Variants in SLIT3 observed in about 807,000 individuals in gnomAD.
SLIT3 encodes slit guidance ligand 3.
In SLIT3, 68 loss-of-function variants were observed where a neutral mutation model predicts 184.0. The observed-to-expected ratio is 0.37, with a 90% CI of 0.30 to 0.45. The LOEUF (loss-of-function observed/expected upper bound fraction) is 0.45, where lower values mean the gene tolerates loss of function less well. Among genes scored for constraint, SLIT3 ranks in the 20% least tolerant of loss-of-function variants. SLIT3 has a pLI of 1.00. For synonymous variants in SLIT3, 831 were observed against 828.6 expected (o/e 1.00, Z -0.05); for missense variants, 1,707 against 2,026.0 (o/e 0.84, Z 3.02).
chr5:169,218,122 G>A (rs1257611895), intron 3 of SLIT3, among the ~76,000 whole-genome samples: 1 of 152,146 alleles, frequency 6.6e-6, no homozygotes, highest in Non-Finnish European at 1.5e-5. Flanking sequence ...TATTTTCATA[G>A]GCCATGCTCC....
At chr5:169,211,703 A>G (rs1053064834) in intron 3 of SLIT3, among the ~76,000 whole-genome samples, 1 of 152,124 alleles carries the variant, frequency 6.6e-6, no homozygotes, top group African/African-American at 2.4e-5. Context: ...GTTTTGTTAC[A>G]TAGGTATACA....
rs78815217 is a variant in SLIT3 at position 168,795,369 on chromosome 5, C to G, written c.1007+138G>C. Reference sequence around the variant, plus strand: ...CACATCTTACCTCCCAAGCTTAGGACAGCGTTCCAGGTCTGAAACAGAACT... The same window carrying G: ...CACATCTTACCTCCCAAGCTTAGGAGAGCGTTCCAGGTCTGAAACAGAACT... On this transcript the variant is annotated intron_variant, in intron 10 of 35. Coordinates refer to ENST00000519560, the MANE Select transcript of SLIT3 (RefSeq NM_003062.4). 2,735 of 695,776 alleles carry G rather than the reference C, an allele frequency of 3.9e-3. 42 individuals carry two copies. The highest frequency in any genetic ancestry group is 0.039 in the East Asian group (1,523 of 38,970). 43.1% of individuals were successfully genotyped at this position (695,776 alleles called of 1,614,324 possible). A position where few individuals can be genotyped will look rare whatever the true frequency, so the allele number is the denominator to read the frequency against.
intron 4 of SLIT3, among the ~76,000 whole-genome samples, chr5:169,191,545 C>T (rs1229157095): frequency 6.6e-6 from 1 of 152,198 alleles, no homozygotes; most frequent in Non-Finnish European, 1.5e-5. Context: ...AACACAAGTA[C>T]ACCATGATCT....
chr5:168,929,070 C>G (rs1267135799), intron 4 of SLIT3, among the ~76,000 whole-genome samples: 4 of 152,128 alleles, frequency 2.6e-5, no homozygotes, highest in African/African-American at 9.7e-5. Flanking sequence ...ATTTTAGGAA[C>G]CTGTTCAATC....
At chr5:168,747,976 A>G (rs1754547174) in intron 20 of SLIT3, among the ~76,000 whole-genome samples, 1 of 152,146 alleles carries the variant, frequency 6.6e-6, no homozygotes, top group Non-Finnish European at 1.5e-5. Flanking sequence ...AAGAGGGTGT[A>G]CAGAGCAGAG....
chr5:169,246,220 G>A (rs151221482), intron 2 of SLIT3, among the ~76,000 whole-genome samples: 12 of 152,284 alleles, frequency 7.9e-5, no homozygotes, highest in African/African-American at 2.6e-4. Context: ...CTGGTCAGGC[G>A]AGGGTCCCCA....
At chr5:169,234,030 T>C (rs1362033464) in intron 3 of SLIT3, among the ~76,000 whole-genome samples, 1 of 152,256 alleles carries the variant, frequency 6.6e-6, no homozygotes, top group Non-Finnish European at 1.5e-5. Context: ...TAGTATTGAA[T>C]TTTATTAAAT....
At chr5:169,008,003 AACCGGAC>A (rs1174562491) in intron 4 of SLIT3, among the ~76,000 whole-genome samples, 2 of 152,146 alleles carry the variant, frequency 1.3e-5, no homozygotes, top group Non-Finnish European at 2.9e-5. Flanking sequence ...ATCCCTGGAG[AACCGGAC>A]ACTTTCTTTT....
At chr5:168,695,152 T>C (rs1224838739) in intron 28 of SLIT3, among the ~76,000 whole-genome samples, 1 of 152,212 alleles carries the variant, frequency 6.6e-6, no homozygotes, top group Non-Finnish European at 1.5e-5. Flanking sequence ...GATGCTTCTA[T>C]TCATCTTCCA....
chr5:168,784,868 GACACACACAC>G (rs34317589), intron 12 of SLIT3, among the ~76,000 whole-genome samples: 1 of 149,744 alleles, frequency 6.7e-6, no homozygotes, highest in African/African-American at 2.5e-5. Flanking sequence ...ATTTTAAAAA[GACACACACAC>G]ACACACACAC....
At chr5:168,752,500 C>G (rs1754753537) in intron 18 of SLIT3, 1 of 156,282 alleles carries the variant, frequency 6.4e-6, no homozygotes, top group Admixed American at 6.2e-5. Flanking sequence ...GTTCCAGCAA[C>G]TGTCCTGCCT....
At chr5:168,692,772 T>G in intron 28 of SLIT3, 72 bp from the exon 29 acceptor site, 1 of 1,073,780 alleles carries the variant, frequency 9.3e-7, no homozygotes, top group Non-Finnish European at 1.4e-6. Flanking sequence ...ATCAGAGTAC[T>G]AGGGGGGATA....
intron 4 of SLIT3, among the ~76,000 whole-genome samples, chr5:169,095,872 C>G (rs1435508972): frequency 6.6e-6 from 1 of 152,180 alleles, no homozygotes; most frequent in East Asian, 1.9e-4. Flanking sequence ...TTACATTTTA[C>G]AAACAATACT....
chr5:168,998,242 G>T (rs775677750), intron 4 of SLIT3, among the ~76,000 whole-genome samples: 1 of 152,118 alleles, frequency 6.6e-6, no homozygotes, highest in East Asian at 1.9e-4. Context: ...TCCCTTCCTT[G>T]TTTCTTTTCA....
intron 4 of SLIT3, among the ~76,000 whole-genome samples, chr5:168,977,844 T>C (rs1023325675): frequency 6.6e-6 from 1 of 152,216 alleles, no homozygotes; most frequent in Non-Finnish European, 1.5e-5. Flanking sequence ...AAAGTGTCCC[T>C]GAGCCCTCAG....
intron 4 of SLIT3, chr5:169,026,553 A>T (rs1439538609): frequency 2.6e-5 from 4 of 152,042 alleles, no homozygotes; most frequent in Non-Finnish European, 4.4e-5. Flanking sequence ...ATCTAGAGTT[A>T]TTGATATGGA....
At chr5:168,839,518 T>C (rs181262469) in intron 6 of SLIT3, among the ~76,000 whole-genome samples, 1 of 152,298 alleles carries the variant, frequency 6.6e-6, no homozygotes, top group East Asian at 1.9e-4. Context: ...TCTGGGCTTT[T>C]TATGTAAGAT....
chr5:169,221,322 G>A (rs1489278282), intron 3 of SLIT3, among the ~76,000 whole-genome samples: 1 of 152,098 alleles, frequency 6.6e-6, no homozygotes, highest in Non-Finnish European at 1.5e-5. Context: ...CTCTGGCTCC[G>A]GCTCTTTTGT....
intron 4 of SLIT3, among the ~76,000 whole-genome samples, chr5:168,925,936 C>T (rs1372092357): frequency 6.6e-6 from 1 of 152,246 alleles, no homozygotes; most frequent in Non-Finnish European, 1.5e-5. Context: ...GGAACCCAGT[C>T]AGGTAGAATC....
Sources: allele counts gnomAD v4.1 joint callset (sites outside exome capture counted in the v4.1 genomes callset), GRCh38; gene constraint gnomAD v4.1.1; transcripts MANE v1.5; gene names NCBI Gene and HGNC (gene_info 2026-07-23, HGNC 2026-07-21).